CCDC92B: variants seen among roughly 807,000 people sequenced by gnomAD.
CCDC92B encodes the protein coiled-coil domain-containing 92B.
In CCDC92B, 2 loss-of-function variants were observed where a neutral mutation model predicts 5.6. The observed-to-expected ratio is 0.36, with a 90% CI of 0.15 to 1.12. The LOEUF is 1.12. Among genes scored for constraint, CCDC92B ranks in the 50% most tolerant of loss-of-function variants. The pLI is 0.40. For synonymous variants in CCDC92B, 115 were observed against 122.3 expected (o/e 0.94, Z 0.39); for missense variants, 271 against 262.2 (o/e 1.03, Z -0.23).
In CCDC92B at chr17:2,730,418, G is replaced by A. The variant is rs551729765; in HGVS notation, c.178+28C>T. The A allele has an allele frequency of 1.3e-3, 1,316 of 984,154 alleles. 1 individual carries two copies. Among genetic ancestry groups the A allele is most frequent in the Non-Finnish European group, 1.4e-3 (1,165 of 828,844 alleles). The allele number at this position is 984,154 out of a possible 1,614,324, so 61.0% of individuals were successfully genotyped here. ...AACTCCAGCTGTTGGGCCCCATGACGCTTCCCCACCAGTGGTCCTTCTCTT... is the reference window on the plus strand; with the variant it reads ...AACTCCAGCTGTTGGGCCCCATGACACTTCCCCACCAGTGGTCCTTCTCTT... On this transcript the variant is annotated intron_variant, in intron 3 of 3. Transcript: ENST00000614400.
At position 2,732,263 on chromosome 17, in the gene CCDC92B, C is replaced by G. The variant is rs116687474; in HGVS notation, c.131-1770G>C. Among the ~76,000 whole-genome samples the G allele has an allele frequency of 4.6e-3, 705 of 152,288 alleles. 10 individuals carry two copies. The highest frequency in any genetic ancestry group is 0.016 in the African/African-American group (671 of 41,552). ...CCTTCAGCTCCTACACCAGCCTCTC[C>G]TCTCTCCCAACCGCCTCCCAGCTCT... On this transcript the variant is annotated intron_variant, in intron 2 of 3. Coordinates refer to ENST00000614400, the MANE Select transcript of CCDC92B (RefSeq NM_001355573.2).
chr17:2,727,575 C>T (rs964139417), intron 3 of CCDC92B, among the ~76,000 whole-genome samples: 3 of 152,224 alleles, frequency 2.0e-5, no homozygotes, highest in Admixed American at 6.5e-5. Context: ...CCTGTAATCC[C>T]AGCACTTTGG....
At chr17:2,737,401 C>CCT (rs376286478) in intron 1 of CCDC92B, among the ~76,000 whole-genome samples, 6 of 151,498 alleles carry the variant, frequency 4.0e-5, no homozygotes, top group African/African-American at 1.5e-4. Context: ...TCAGGGCACT[C>CCT]CTCTCTCTGG....
At chr17:2,744,542 G>A (rs1254992388) in intron 1 of CCDC92B, among the ~76,000 whole-genome samples, 1 of 152,148 alleles carries the variant, frequency 6.6e-6, no homozygotes, top group African/African-American at 2.4e-5. Flanking sequence ...TAGCAACTGA[G>A]ATGAAGGACA....
At position 2,738,661 on chromosome 17, in the gene CCDC92B, C is replaced by T. The variant is rs767678592; in HGVS notation, c.-23-3493G>A. Among the ~76,000 whole-genome samples, 11 of 149,866 alleles carry T rather than the reference C, an allele frequency of 7.3e-5. No homozygotes were observed. The South Asian group carries it at 8.4e-4, about 11-fold the overall frequency. On this transcript the variant is annotated intron_variant, in intron 1 of 3. Transcript: ENST00000614400. ...TGTAGTCCCAGCTACTCGGAGAGGCCGAGGCAGGAGAATGGCTGAACCCGG... is the reference window on the plus strand; with the variant it reads ...TGTAGTCCCAGCTACTCGGAGAGGCTGAGGCAGGAGAATGGCTGAACCCGG...
intron 3 of CCDC92B, 23 bp downstream of exon 3, chr17:2,730,423 C>T (rs746134809): frequency 3.0e-6 from 3 of 984,932 alleles, no homozygotes; most frequent in Non-Finnish European, 3.6e-6. Context: ...ATGACGCTTC[C>T]CCACCAGTGG....
chr17:2,736,603 G>A (rs892800579), intron 1 of CCDC92B, among the ~76,000 whole-genome samples: 1 of 151,652 alleles, frequency 6.6e-6, no homozygotes, highest in Non-Finnish European at 1.5e-5. Context: ...TCCATAGGCC[G>A]GACTCGGTGG....
intron 3 of CCDC92B, among the ~76,000 whole-genome samples, chr17:2,727,751 G>A (rs1323290953): frequency 2.0e-5 from 3 of 151,810 alleles, no homozygotes; most frequent in Non-Finnish European, 2.9e-5. Context: ...TTGACCCTGG[G>A]AGGCGGAGGT....
intron 2 of CCDC92B, among the ~76,000 whole-genome samples, chr17:2,733,744 CTTTTTTTTTTTTT>C (rs386385447): frequency 0.013 from 653 of 49,354 alleles, 12 homozygotes; most frequent in African/African-American, 0.053. Flanking sequence ...GGACCACTGG[CTTTTTTTTTTTTT>C]TTTTTTTTTT....
intron 1 of CCDC92B, among the ~76,000 whole-genome samples, chr17:2,737,896 A>G (rs183632745): frequency 2.4e-4 from 37 of 152,124 alleles, no homozygotes; most frequent in African/African-American, 8.7e-4. Flanking sequence ...TACTTCTGCC[A>G]ACCACTCTTC....
intron 1 of CCDC92B, among the ~76,000 whole-genome samples, chr17:2,738,928 G>T (rs150886542): frequency 2.6e-5 from 4 of 151,438 alleles, no homozygotes; most frequent in Admixed American, 6.6e-5. Context: ...AAAATCAGCC[G>T]GGCATGGTGG....
At chr17:2,742,655 C>T (rs572860519) in intron 1 of CCDC92B, among the ~76,000 whole-genome samples, 5 of 152,112 alleles carry the variant, frequency 3.3e-5, no homozygotes, top group Non-Finnish European at 7.3e-5. Context: ...TGTTCTTGTC[C>T]CATCCCATGG....
At position 2,749,553 on chromosome 17, in the gene CCDC92B, C is replaced by T. The variant is rs2071030303; in HGVS notation, c.-166G>A. ...TGCGGCGCCATCAGCTGCTGGGAGG[C>T]TGCGGGGCAGTCGGGCCGGGGCTCC... On this transcript the variant is annotated 5_prime_UTR_variant, in exon 1 of 4. Coordinates refer to ENST00000614400, the MANE Select transcript of CCDC92B (RefSeq NM_001355573.2). The T allele has an allele frequency of 7.2e-6, 1 of 138,912 alleles. No individual in the cohort carries two copies. The allele number at this position is 138,912 out of a possible 1,614,324, so 8.6% of individuals were successfully genotyped here.
At chr17:2,735,536 T>C (rs1007431085) in intron 1 of CCDC92B, among the ~76,000 whole-genome samples, 4 of 152,192 alleles carry the variant, frequency 2.6e-5, no homozygotes, top group African/African-American at 9.6e-5. Flanking sequence ...GTTCAAGCAA[T>C]TCTCCTTCCT....
At chr17:2,748,201 A>T in intron 1 of CCDC92B, 1 of 568,604 alleles carries the variant, frequency 1.8e-6, no homozygotes, top group Non-Finnish European at 3.4e-6. Context: ...AAACTCTTCC[A>T]GTAGCCCAGT....
intron 3 of CCDC92B, 41 bp from the exon 4 acceptor site, chr17:2,725,041 G>C (rs1278848322): frequency 1.0e-6 from 1 of 985,038 alleles, no homozygotes; most frequent in Non-Finnish European, 1.2e-6. Context: ...TCTCCCCCTG[G>C]CTTGGAACAG....
Position 2,724,966 on chromosome 17 carries a change from G to A in CCDC92B, c.213C>T (p.Arg71=). 2.0e-6 allele frequency: 2 copies of A among 985,500 alleles called. No homozygotes were observed. The highest frequency in any genetic ancestry group is 2.4e-6 in the Non-Finnish European group (2 of 830,000). 61.0% of individuals were successfully genotyped at this position (985,500 alleles called of 1,614,324 possible). A position where few individuals can be genotyped will look rare whatever the true frequency, so the allele number is the denominator to read the frequency against. ...GCGCCTCCAGCTGCGACTCCAGCGC[G>A]CGGCACTTGCTCTCCAGCTCCCGGG... is the stretch of plus-strand genomic sequence containing the variant. ...AASRELESKC[R]ALESQLEARA... The change falls in exon 4 of 4, where the codon CGC becomes CGT. Residue 71 remains arginine, a synonymous_variant. Transcript: ENST00000614400. The surrounding 1 kb of genome is among the most constrained non-coding windows in gnomAD (Gnocchi z 5.0).
At chr17:2,726,891 G>A (rs1457651783) in intron 3 of CCDC92B, among the ~76,000 whole-genome samples, 5 of 150,870 alleles carry the variant, frequency 3.3e-5, no homozygotes, top group Admixed American at 1.3e-4. Flanking sequence ...GGGATTACAG[G>A]CGTGAGCCAC....
intron 1 of CCDC92B, among the ~76,000 whole-genome samples, chr17:2,748,863 T>C (rs2071019861): frequency 2.6e-5 from 4 of 152,236 alleles, no homozygotes; most frequent in South Asian, 4.1e-4. Flanking sequence ...CCCAGGGACC[T>C]TGTGGTCCTC....
Sources: allele counts gnomAD v4.1 joint callset (sites outside exome capture counted in the v4.1 genomes callset), GRCh38; gene constraint gnomAD v4.1.1; non-coding constraint Gnocchi (gnomAD v3.1); transcripts MANE v1.5; gene names NCBI Gene and HGNC (gene_info 2026-07-23, HGNC 2026-07-21).